The following PAICS variants were observed in gnomAD, a reference collection of about 807,000 sequenced individuals.
PAICS encodes the protein phosphoribosylaminoimidazole carboxylase and phosphoribosylaminoimidazolesuccinocarboxamide synthase.
PAICS carries 33 observed loss-of-function variants against 53.7 expected under a neutral mutation model. The observed-to-expected ratio is 0.61, with a 90% CI of 0.47 to 0.82. PAICS has a LOEUF of 0.82. PAICS is among the 40% of genes least tolerant of loss of function. The pLI is 0.00. For missense variants in PAICS, 394 were observed against 494.1 expected, an observed-to-expected ratio of 0.80 and a Z score of 1.92; for synonymous variants, 141 against 167.2, an observed-to-expected ratio of 0.84 and a Z score of 1.21.
chr4:56,452,369 G>A (rs954803173), intron 7 of PAICS, among the ~76,000 whole-genome samples: 3 of 152,050 alleles, frequency 2.0e-5, no homozygotes, highest in African/African-American at 4.8e-5. Flanking sequence ...TAATAGAGAC[G>A]GGGTTTCACT....
At chr4:56,425,442 A>G in the PAICS span, 1 of 923,644 alleles carries the variant, frequency 1.1e-6, no homozygotes, top group Non-Finnish European at 1.3e-6. Context: ...GTGAAAAAAG[A>G]AAGCTCAGAC....
chr4:56,433,482 C>T (rs1350500569), upstream of PAICS, among the ~76,000 whole-genome samples: 2 of 146,312 alleles, frequency 1.4e-5, no homozygotes, highest in African/African-American at 5.1e-5. Flanking sequence ...CCAACCAGTG[C>T]TAACATGTAA....
rs1719457126 is a variant in PAICS at position 56,460,576 on chromosome 4, C to CTGTT, written c.*1039_*1042dup. The CTGTT allele has an allele frequency of 6.6e-6, 1 of 152,190 alleles. No individual in the cohort carries two copies. Among genetic ancestry groups the CTGTT allele is most frequent in the South Asian group, 2.1e-4 (1 of 4,830 alleles). The allele number at this position is 152,190 out of a possible 1,614,324, so 9.4% of individuals were successfully genotyped here. On this transcript the variant is annotated 3_prime_UTR_variant, in exon 9 of 9. Transcript: ENST00000512576. ...ACAGACTTCTTTGAAAATATACATGCTGTTGACCCTCTCTGTAGAAAACCG... is the reference window on the plus strand; with the variant it reads ...ACAGACTTCTTTGAAAATATACATGCTGTTTGTTGACCCTCTCTGTAGAAAACCG...
the PAICS span, among the ~76,000 whole-genome samples, chr4:56,418,794 G>C: frequency 6.6e-5 from 10 of 152,108 alleles, no homozygotes; most frequent in African/African-American, 2.4e-4. Context: ...CCAATATAAA[G>C]TCAAGTACTG....
chr4:56,441,676 TA>T lies in PAICS; in HGVS notation c.36del (p.Lys12AsnfsTer14). On this transcript the variant is annotated frameshift_variant, in exon 2 of 9. Coordinates refer to ENST00000512576, the MANE Select transcript of PAICS (RefSeq NM_001079524.2). LOFTEE classifies it high-confidence loss of function. Reference protein sequence around the residue: MATAEVLNIGKKLYEGKTKEV... With the variant: MATAEVLNIGXKLYEGKTKEV... The stretch of plus-strand genomic sequence containing the variant: ...TTATTTCCACAGTACTGAACATTGG[TA>T]AAAAATTATATGAGGGTAAAACAAA... The T allele has an allele frequency of 1.3e-6, 2 of 1,572,190 alleles. No individual in the cohort carries two copies. The highest frequency in any genetic ancestry group is 1.7e-6 in the Non-Finnish European group (2 of 1,160,706).
the PAICS span, chr4:56,421,661 A>C: frequency 6.6e-6 from 1 of 152,242 alleles, no homozygotes; most frequent in Non-Finnish European, 1.5e-5. Context: ...TAAGACTGGA[A>C]ATGTTGGTGA....
At chr4:56,423,435 C>A in the PAICS span, 1 of 151,928 alleles carries the variant, frequency 6.6e-6, no homozygotes, top group Non-Finnish European at 1.5e-5. Flanking sequence ...CCAGCCTGGG[C>A]AACACAGCAA....
upstream of PAICS, chr4:56,435,734 A>G: frequency 1.4e-6 from 2 of 1,475,232 alleles, no homozygotes; most frequent in Non-Finnish European, 1.8e-6. Flanking sequence ...GGGGTCACGG[A>G]TGCTGTAGGG....
At position 56,446,872 on chromosome 4, in the gene PAICS, A is replaced by G. The variant is rs1718646903; in HGVS notation, c.392A>G (p.Lys131Arg). 1 of 1,589,252 alleles carries G rather than the reference A, an allele frequency of 6.3e-7. No homozygotes were observed. The highest frequency in any genetic ancestry group is 2.2e-5 in the East Asian group (1 of 44,708). Reference sequence around the variant, plus strand: ...CCACCTAAAGTGGAGTTGTTTTTCAAGGTAATTATCTTATGCCTCTGTTTT... The same window carrying G: ...CCACCTAAAGTGGAGTTGTTTTTCAGGGTAATTATCTTATGCCTCTGTTTT... Reference protein sequence around the residue: ...FYPPKVELFFKDDANNDPQWS... With the variant: ...FYPPKVELFFRDDANNDPQWS... The change falls in exon 3 of 9, where the codon AAG (lysine) becomes AGG (arginine). Residue 131 changes from lysine (K) to arginine (R), a missense_variant and splice_region_variant. By Grantham distance (26) the Lys-to-Arg change is conservative. This residue lies in a region of PAICS where 168 missense variants were observed against 199.3 expected (regional missense o/e 0.84). Coordinates refer to ENST00000512576, the MANE Select transcript of PAICS (RefSeq NM_001079524.2).
At position 56,463,721 on chromosome 4, in the gene PAICS, C is replaced by T. The variant is rs1719591760; in HGVS notation, c.*4183C>T. ...AAAAAAAAAAAAAAAAGATACTGTA[C>T]ATGGAAGCTTCTCAGGCTAAATCCA... On this transcript the variant is annotated 3_prime_UTR_variant, in exon 9 of 9. Transcript: ENST00000512576. 6.7e-6 allele frequency: 1 copy of T among 148,650 alleles called. No individual in the cohort carries two copies. The allele number at this position is 148,650 out of a possible 1,614,324, so 9.2% of individuals were successfully genotyped here. A position where few individuals can be genotyped will look rare whatever the true frequency, so the allele number is the denominator to read the frequency against.
intron 6 of PAICS, 23 bp from the exon 7 acceptor site, chr4:56,451,849 A>T (rs774726007): frequency 2.7e-6 from 4 of 1,475,148 alleles, no homozygotes; most frequent in Non-Finnish European, 3.6e-6. Context: ...TGTTCTTTTC[A>T]TATCCACGTA....
chr4:56,446,557 T>G (rs1718629397), intron 2 of PAICS, 138 bp from the exon 3 acceptor site: 1 of 632,076 alleles, frequency 1.6e-6, no homozygotes, highest in African/African-American at 1.8e-5. Context: ...GCATCTACAT[T>G]AAATAAAGAG....
chr4:56,436,248 C>A (rs1717940574), upstream of PAICS: 7 of 1,561,250 alleles, frequency 4.5e-6, no homozygotes, highest in African/African-American at 1.4e-5. Flanking sequence ...TCTCTGACCA[C>A]CCCTCTTTTC....
At chr4:56,447,576 G>A (rs1718683493) in intron 3 of PAICS, among the ~76,000 whole-genome samples, 1 of 152,132 alleles carries the variant, frequency 6.6e-6, no homozygotes. Context: ...GAGAACGGTG[G>A]TTTTGGAAAG....
upstream of PAICS, among the ~76,000 whole-genome samples, chr4:56,433,404 A>G (rs1013174475): frequency 6.7e-6 from 1 of 149,458 alleles, no homozygotes; most frequent in African/African-American, 2.5e-5. Flanking sequence ...CATTAAAAAA[A>G]AAAAAAAAGA....
chr4:56,438,370 T>TA lies in PAICS; in HGVS notation c.16+2042_16+2043insA, dbSNP rs1560656242. Among the ~76,000 whole-genome samples, 196 of 77,512 alleles carry TA rather than the reference T, an allele frequency of 2.5e-3. 1 individual carries two copies. The highest frequency in any genetic ancestry group is 0.025 in the Middle Eastern group (5 of 200). The allele number at this position is 77,512 out of a possible 152,430, so 50.9% of individuals were successfully genotyped here. A position where few individuals can be genotyped will look rare whatever the true frequency, so the allele number is the denominator to read the frequency against. ...TAATAAAAAAAACTGGTGCAATGTG[T>TA]TTATATATATATATATATATATATA... is the stretch of plus-strand genomic sequence containing the variant. On this transcript the variant is annotated intron_variant, in intron 1 of 8. Transcript: ENST00000512576.
chr4:56,460,892 A>G lies in PAICS; in HGVS notation c.*1354A>G, dbSNP rs1133212. The G allele has an allele frequency of 6.6e-6, 1 of 152,118 alleles. No homozygotes were observed. Among genetic ancestry groups the G allele is most frequent in the African/African-American group, 2.4e-5 (1 of 41,354 alleles). 9.4% of individuals were successfully genotyped at this position (152,118 alleles called of 1,614,324 possible). On this transcript the variant is annotated 3_prime_UTR_variant, in exon 9 of 9. Transcript: ENST00000512576. Reference sequence around the variant, plus strand: ...AGGCTGAGGCATGAGAATTGCTTGAACCCGGGAGGCGGAGGTTGCAGTGAG... The same window carrying G: ...AGGCTGAGGCATGAGAATTGCTTGAGCCCGGGAGGCGGAGGTTGCAGTGAG...
intron 8 of PAICS, among the ~76,000 whole-genome samples, chr4:56,457,130 T>C (rs1719252694): frequency 6.6e-6 from 1 of 152,160 alleles, no homozygotes; most frequent in Non-Finnish European, 1.5e-5. Flanking sequence ...CTGTTTTACC[T>C]TCAGAAAAAT....
At chr4:56,457,695 C>T (rs1022433781) in intron 8 of PAICS, among the ~76,000 whole-genome samples, 15 of 129,178 alleles carry the variant, frequency 1.2e-4, no homozygotes, top group African/African-American at 5.9e-5. Flanking sequence ...AATGGAGTTT[C>T]GCTCCTGTTG....
Sources: allele counts gnomAD v4.1 joint callset (sites outside exome capture counted in the v4.1 genomes callset), GRCh38; gene constraint gnomAD v4.1.1; regional missense constraint gnomAD v4.1.1; transcripts MANE v1.5; gene names NCBI Gene and HGNC (gene_info 2026-07-23, HGNC 2026-07-21).